Variants in NKAIN3 observed in about 807,000 individuals in gnomAD.
The protein encoded by NKAIN3 is sodium/potassium transporting ATPase interacting 3, also known as sodium/potassium-transporting ATPase subunit beta-1-interacting protein 3.
Under a neutral mutation model 30.2 loss-of-function variants are expected in NKAIN3, and 25 were observed. The ratio of observed to expected loss-of-function variants is 0.83; its 90% confidence interval spans 0.60 to 1.16. The LOEUF is 1.16. NKAIN3 is among the 50% of genes most tolerant of loss of function. The pLI is 0.00. For missense variants in NKAIN3, 225 were observed against 254.1 expected, an observed-to-expected ratio of 0.89 and a Z score of 0.78; for synonymous variants, 91 against 89.6, an observed-to-expected ratio of 1.02 and a Z score of -0.09.
intron 4 of NKAIN3, among the ~76,000 whole-genome samples, chr8:62,883,708 G>A (rs7006055): frequency 0.78 from 117,663 of 151,614 alleles, 46,648 homozygotes; most frequent in African/African-American, 0.93. Flanking sequence ...GATGTTTTTT[G>A]CCAAGTTGAT....
chr8:62,572,706 T>C (rs977517709), intron 1 of NKAIN3, among the ~76,000 whole-genome samples: 1 of 152,114 alleles, frequency 6.6e-6, no homozygotes, highest in Non-Finnish European at 1.5e-5. Context: ...AGAGCTTGTG[T>C]AGGGAACCTC....
At chr8:62,731,978 G>C (rs1459515811) in intron 3 of NKAIN3, among the ~76,000 whole-genome samples, 1 of 151,460 alleles carries the variant, frequency 6.6e-6, no homozygotes, top group Non-Finnish European at 1.5e-5. Context: ...CCCATAGAAT[G>C]CATCTCATTA....
chr8:62,551,321 C>T (rs1809201849), intron 1 of NKAIN3, among the ~76,000 whole-genome samples: 2 of 152,096 alleles, frequency 1.3e-5, no homozygotes, highest in African/African-American at 4.8e-5. Context: ...TCTGAACAGT[C>T]ATACGGCAGT....
chr8:62,898,432 A>AG (rs1406101668), intron 4 of NKAIN3, among the ~76,000 whole-genome samples: 4 of 152,160 alleles, frequency 2.6e-5, no homozygotes, highest in Admixed American at 2.0e-4. Flanking sequence ...ATGGAACTTG[A>AG]GACCATTATT....
At chr8:62,855,512 T>C in intron 4 of NKAIN3, 1 of 1,416,638 alleles carries the variant, frequency 7.1e-7, no homozygotes, top group Non-Finnish European at 1.0e-6. Flanking sequence ...TTCAGGATTG[T>C]AATCTGGTGG....
chr8:62,435,421 T>G (rs1805138691), intron 1 of NKAIN3, among the ~76,000 whole-genome samples: 1 of 151,788 alleles, frequency 6.6e-6, no homozygotes, highest in Non-Finnish European at 1.5e-5. Context: ...CCAGGGGGAC[T>G]GAATTGCTGG....
chr8:62,920,950 G>A (rs1384631482), intron 5 of NKAIN3, among the ~76,000 whole-genome samples: 4 of 152,142 alleles, frequency 2.6e-5, no homozygotes, highest in Non-Finnish European at 5.9e-5. Flanking sequence ...AATGAGGTAG[G>A]AAACAAAAGT....
intron 4 of NKAIN3, among the ~76,000 whole-genome samples, chr8:62,849,110 G>T (rs555685058): frequency 7.2e-5 from 11 of 152,166 alleles, no homozygotes; most frequent in Admixed American, 2.6e-4. Context: ...CCAGGATATG[G>T]CCTAAAGTTT....
intron 1 of NKAIN3, among the ~76,000 whole-genome samples, chr8:62,462,873 CA>C (rs1404942093): frequency 6.6e-6 from 1 of 152,190 alleles, no homozygotes; most frequent in Non-Finnish European, 1.5e-5. Context: ...CTGCACTTCA[CA>C]TATGGGCTTT....
intron 1 of NKAIN3, among the ~76,000 whole-genome samples, chr8:62,388,633 T>C (rs568975569): frequency 3.3e-5 from 5 of 152,346 alleles, no homozygotes; most frequent in African/African-American, 1.2e-4. Context: ...AAAACGACCA[T>C]GTTTAAATGG....
chr8:62,276,412 T>C (rs1163392046), intron 1 of NKAIN3, among the ~76,000 whole-genome samples: 1 of 152,150 alleles, frequency 6.6e-6, no homozygotes, highest in Non-Finnish European at 1.5e-5. Flanking sequence ...TATTTCAGAG[T>C]AGTGACAAGG....
At chr8:62,865,369 C>T (rs60467925) in intron 4 of NKAIN3, among the ~76,000 whole-genome samples, 185 of 152,330 alleles carry the variant, frequency 1.2e-3, no homozygotes, top group African/African-American at 4.4e-3. Flanking sequence ...TGGACATAAA[C>T]GGTGACTCTC....
intron 1 of NKAIN3, among the ~76,000 whole-genome samples, chr8:62,322,359 C>T (rs1211320394): frequency 6.6e-6 from 1 of 152,104 alleles, no homozygotes; most frequent in Non-Finnish European, 1.5e-5. Context: ...CAACACTCCC[C>T]AGTGAGATGA....
chr8:62,474,461 A>G (rs1018203598), intron 1 of NKAIN3, among the ~76,000 whole-genome samples: 1 of 152,164 alleles, frequency 6.6e-6, no homozygotes, highest in Non-Finnish European at 1.5e-5. Context: ...CTCTCATAGA[A>G]TTTTACTGAA....
chr8:62,347,233 A>G (rs1294384401), intron 1 of NKAIN3, among the ~76,000 whole-genome samples: 2 of 152,132 alleles, frequency 1.3e-5, no homozygotes, highest in Admixed American at 6.6e-5. Flanking sequence ...ATGAATGAAG[A>G]TAGGAGCTTT....
intron 1 of NKAIN3, among the ~76,000 whole-genome samples, chr8:62,530,495 G>A (rs1004831313): frequency 6.6e-6 from 1 of 152,088 alleles, no homozygotes; most frequent in Non-Finnish European, 1.5e-5. Context: ...ACTTTTGAAA[G>A]CAACACAGAA....
intron 1 of NKAIN3, among the ~76,000 whole-genome samples, chr8:62,322,855 A>G (rs903944964): frequency 1.3e-5 from 2 of 152,238 alleles, no homozygotes; most frequent in Non-Finnish European, 2.9e-5. Flanking sequence ...AATGGGAAAA[A>G]GATGTGAACA....
chr8:62,961,844 T>C (rs539790147), intron 6 of NKAIN3, among the ~76,000 whole-genome samples: 7 of 152,292 alleles, frequency 4.6e-5, no homozygotes, highest in Middle Eastern at 3.4e-3. Context: ...CATCTTGATA[T>C]GGTTAACATT....
intron 4 of NKAIN3, among the ~76,000 whole-genome samples, chr8:62,757,764 G>A (rs1816503337): frequency 6.6e-6 from 1 of 152,170 alleles, no homozygotes; most frequent in African/African-American, 2.4e-5. Context: ...AGTGCCCTTT[G>A]GCTTGAGCAA....
Sources: gnomAD v4.1 joint callset for allele counts (sites outside exome capture counted in the v4.1 genomes callset) on GRCh38, gnomAD v4.1.1 for gene constraint, MANE v1.5 for transcripts, NCBI Gene and HGNC (gene_info 2026-07-23, HGNC 2026-07-21) for gene names.